Variants in DIP2B observed in about 807,000 individuals in gnomAD.
DIP2B encodes disco-interacting protein 2 homolog B.
A neutral mutation model predicts 198.0 loss-of-function variants in DIP2B; 76 were observed. The ratio of observed to expected loss-of-function variants is 0.38; its 90% CI spans 0.32 to 0.46. The LOEUF is 0.46. DIP2B is among the 20% of genes least tolerant of loss of function. The pLI is 0.99. For synonymous variants in DIP2B, 701 were observed against 739.1 expected, an observed-to-expected ratio of 0.95 and a Z score of 0.84; for missense variants, 1,559 against 1,978.4, an observed-to-expected ratio of 0.79 and a Z score of 4.02.
At chr12:50,662,728 G>A (rs17210898) in intron 4 of DIP2B, among the ~76,000 whole-genome samples, 4,237 of 152,272 alleles carry the variant, frequency 0.028, 105 homozygotes, top group Non-Finnish European at 0.041. Flanking sequence ...TGCCGAGGCT[G>A]TGTTCAAGGG....
chr12:50,506,972 G>C (rs1263698592), intron 1 of DIP2B, among the ~76,000 whole-genome samples: 1 of 152,092 alleles, frequency 6.6e-6, no homozygotes, highest in African/African-American at 2.4e-5. Context: ...CCTTATTCTG[G>C]GTATATCTGC....
chr12:50,617,187 G>A (rs1447364377), intron 1 of DIP2B, among the ~76,000 whole-genome samples: 6 of 148,616 alleles, frequency 4.0e-5, no homozygotes, highest in African/African-American at 7.5e-5. Context: ...ACGGAGTCTC[G>A]CTCTGTCACC....
Position 50,696,078 on chromosome 12 carries a change from A to G in DIP2B, c.1933+111A>G, listed in dbSNP as rs1419288231. The G allele has an allele frequency of 4.0e-6, 6 of 1,486,388 alleles. No homozygotes were observed. The East Asian group carries it at 1.2e-4, about 29-fold the overall frequency. 92.1% of individuals were successfully genotyped at this position (1,486,388 alleles called of 1,614,324 possible). On this transcript the variant is annotated intron_variant, in intron 16 of 37. Coordinates refer to ENST00000301180, the MANE Select transcript of DIP2B (RefSeq NM_173602.3). ...ATACTGAAAAACTCACTCATTTAAG[A>G]TGTGTAATTCAGTGGTTTTGGTATA...
At chr12:50,690,710 A>C (rs1939209285) in intron 12 of DIP2B, among the ~76,000 whole-genome samples, 1 of 152,330 alleles carries the variant, frequency 6.6e-6, no homozygotes, top group South Asian at 2.1e-4. Flanking sequence ...TTCACTCTGC[A>C]GTGCTGTGCT....
intron 7 of DIP2B, among the ~76,000 whole-genome samples, chr12:50,677,476 G>A (rs556519127): frequency 9.9e-5 from 15 of 151,978 alleles, no homozygotes; most frequent in South Asian, 4.2e-4. Context: ...TTAGCCAGGC[G>A]TGGTGGCGGG....
intron 1 of DIP2B, among the ~76,000 whole-genome samples, chr12:50,556,314 C>T (rs1958470579): frequency 6.6e-6 from 1 of 152,126 alleles, no homozygotes; most frequent in Non-Finnish European, 1.5e-5. Flanking sequence ...TCCCAAAGTG[C>T]TGGGATTACA....
At position 50,698,974 on chromosome 12, in the gene DIP2B, G is replaced by A; in HGVS notation, c.2189-92G>A. The A allele has an allele frequency of 5.5e-6, 8 of 1,455,562 alleles. No individual in the cohort carries two copies. In the South Asian group the frequency reaches 1.1e-4, roughly 19 times the overall value. The allele number at this position is 1,455,562 out of a possible 1,614,324, so 90.2% of individuals were successfully genotyped here. On this transcript the variant is annotated intron_variant, in intron 18 of 37. Coordinates refer to ENST00000301180, the MANE Select transcript of DIP2B (RefSeq NM_173602.3). Reference sequence around the variant, plus strand: ...TTTTACTTAATGCCACTCAGTAAAGGCAGGACTTTCTTGGGTTCACAGGAT... The same window carrying A: ...TTTTACTTAATGCCACTCAGTAAAGACAGGACTTTCTTGGGTTCACAGGAT...
intron 9 of DIP2B, among the ~76,000 whole-genome samples, chr12:50,682,628 C>CAAAAAAAA (rs58672851): frequency 1.7e-4 from 7 of 42,136 alleles, no homozygotes; most frequent in African/African-American, 5.7e-4. Context: ...GACTCTGTCT[C>CAAAAAAAA]AAAAAAAAAA....
intron 10 of DIP2B, 43 bp from the exon 11 acceptor site, chr12:50,685,790 C>T: frequency 6.3e-7 from 1 of 1,594,580 alleles, no homozygotes; most frequent in Non-Finnish European, 8.6e-7. Context: ...TGAGTGTGCT[C>T]ACATTCGCTC....
At chr12:50,653,403 C>A (rs1234959023) in intron 3 of DIP2B, among the ~76,000 whole-genome samples, 2 of 128,098 alleles carry the variant, frequency 1.6e-5, no homozygotes, top group Non-Finnish European at 3.1e-5. Flanking sequence ...TGCAGTGGTG[C>A]AATTATGGCT....
rs548732570 is a variant in DIP2B at position 50,745,135 on chromosome 12, T to C, written c.*296T>C. ...TCATCTGTTGTACATAGTTGTATTT[T>C]TATCTAATGCCATTTTAGAATTTTC... On this transcript the variant is annotated 3_prime_UTR_variant, in exon 38 of 38. Coordinates refer to ENST00000301180, the MANE Select transcript of DIP2B (RefSeq NM_173602.3). 1.3e-4 allele frequency: 46 copies of C among 351,028 alleles called. No homozygotes were observed. In the East Asian group the frequency reaches 2.5e-3, roughly 19 times the overall value. The allele number at this position is 351,028 out of a possible 1,614,324, so 21.7% of individuals were successfully genotyped here. A position where few individuals can be genotyped will look rare whatever the true frequency, so the allele number is the denominator to read the frequency against.
At chr12:50,684,751 C>T (rs1010283162) in intron 10 of DIP2B, among the ~76,000 whole-genome samples, 15 of 151,944 alleles carry the variant, frequency 9.9e-5, no homozygotes, top group African/African-American at 3.4e-4. Context: ...AAGATTGCGC[C>T]ACTGTATACC....
intron 1 of DIP2B, among the ~76,000 whole-genome samples, chr12:50,522,790 T>A (rs1251008716): frequency 6.6e-6 from 1 of 152,148 alleles, no homozygotes; most frequent in Admixed American, 6.6e-5. Context: ...AGAGAAAACC[T>A]AGTCGTCTGA....
At chr12:50,542,328 T>C (rs1958334352) in intron 1 of DIP2B, among the ~76,000 whole-genome samples, 1 of 151,916 alleles carries the variant, frequency 6.6e-6, no homozygotes, top group African/African-American at 2.4e-5. Flanking sequence ...GCTGCATTTG[T>C]CTTGGAATTT....
intron 17 of DIP2B, 114 bp from the exon 18 acceptor site, chr12:50,698,214 G>GA (rs1939352305): frequency 3.7e-6 from 5 of 1,347,612 alleles, no homozygotes; most frequent in Non-Finnish European, 5.0e-6. Context: ...TTTTGGGAGA[G>GA]AAAATGGAGA....
intron 1 of DIP2B, among the ~76,000 whole-genome samples, chr12:50,545,233 C>T (rs192295577): frequency 5.9e-5 from 9 of 152,168 alleles, no homozygotes; most frequent in East Asian, 3.9e-4. Flanking sequence ...GTGTTTATAC[C>T]GATTTACAGA....
intron 2 of DIP2B, among the ~76,000 whole-genome samples, chr12:50,632,962 A>G (rs140770418): frequency 2.6e-5 from 4 of 152,074 alleles, no homozygotes; most frequent in Admixed American, 6.5e-5. Context: ...AAAAATAATT[A>G]GAGACAGGAT....
chr12:50,697,533 CTTTTTTTT>C (rs11306905), intron 17 of DIP2B, among the ~76,000 whole-genome samples: 4 of 45,970 alleles, frequency 8.7e-5, no homozygotes, highest in African/African-American at 2.0e-4. Context: ...TATAGATATA[CTTTTTTTT>C]TTTTTTTTTT....
At chr12:50,584,093 T>A (rs1958748505) in intron 1 of DIP2B, among the ~76,000 whole-genome samples, 1 of 152,184 alleles carries the variant, frequency 6.6e-6, no homozygotes, top group African/African-American at 2.4e-5. Flanking sequence ...TTATTTACAC[T>A]CTCTCCCATG....
Sources: allele counts gnomAD v4.1 joint callset (sites outside exome capture counted in the v4.1 genomes callset), GRCh38; gene constraint gnomAD v4.1.1; transcripts MANE v1.5; gene names NCBI Gene and HGNC (gene_info 2026-07-23, HGNC 2026-07-21).